The following FGF1 variants were observed in gnomAD, a reference collection of about 807,000 sequenced individuals.
FGF1 encodes the protein beta-endothelial cell growth factor.
Under a neutral mutation model 13.4 loss-of-function variants are expected in FGF1, and 9 were observed. The ratio of observed to expected loss-of-function variants is 0.67; its 90% CI spans 0.40 to 1.17. The LOEUF (loss-of-function observed/expected upper bound fraction) is 1.17. Among genes scored for constraint, FGF1 ranks in the 50% most tolerant of loss-of-function variants. The probability of loss-of-function intolerance (pLI) is 0.01; values close to 1 mark genes in which losing one functional copy is unlikely to be tolerated. For missense variants in FGF1, 156 were observed against 192.7 expected, an observed-to-expected ratio of 0.81 and a Z score of 1.13; for synonymous variants, 93 against 79.0, an observed-to-expected ratio of 1.18 and a Z score of -0.94.
chr5:142,629,604 C>T (rs956863955), intron 1 of FGF1, among the ~76,000 whole-genome samples: 7 of 152,014 alleles, frequency 4.6e-5, no homozygotes, highest in East Asian at 1.9e-4. Flanking sequence ...TCTTTCATGA[C>T]AATTATGATA....
intron 1 of FGF1, among the ~76,000 whole-genome samples, chr5:142,636,198 G>T (rs147150519): frequency 6.6e-6 from 1 of 152,324 alleles, no homozygotes; most frequent in Non-Finnish European, 1.5e-5. Flanking sequence ...CACCTTATCT[G>T]ATTTGCTCCA....
At chr5:142,647,133 G>A (rs755520416) in intron 1 of FGF1, among the ~76,000 whole-genome samples, 3 of 152,162 alleles carry the variant, frequency 2.0e-5, no homozygotes, top group South Asian at 2.1e-4. Flanking sequence ...TTGGCATATC[G>A]ATTATTTTTA....
chr5:142,605,815 G>C (rs917729817), intron 2 of FGF1, among the ~76,000 whole-genome samples: 1 of 152,146 alleles, frequency 6.6e-6, no homozygotes, highest in African/African-American at 2.4e-5. Flanking sequence ...TGAGCGGCTT[G>C]TGTAGCTGGC....
Position 142,614,017 on chromosome 5 carries a change from G to A in FGF1, c.111C>T (p.Phe37=). 6.2e-7 allele frequency: 1 copy of A among 1,614,154 alleles called. No homozygotes were observed. ...CTGTGCCATCCGGAAGGATCCTCAGGAAGTGGCCCCCGTTGCTACAGTAGA... is the reference window on the plus strand; with the variant it reads ...CTGTGCCATCCGGAAGGATCCTCAGAAAGTGGCCCCCGTTGCTACAGTAGA... ...KLLYCSNGGH[F]LRILPDGTVD... is the part of the protein sequence containing the mutation. Residue 37 remains phenylalanine (F), a synonymous_variant, in exon 2 of 4, where the codon TTC becomes TTT. Coordinates refer to ENST00000337706, the MANE Select transcript of FGF1 (RefSeq NM_000800.5).
At chr5:142,611,550 C>A (rs2282799) in intron 2 of FGF1, among the ~76,000 whole-genome samples, 4,882 of 152,228 alleles carry the variant, frequency 0.032, 157 homozygotes, top group African/African-American at 0.078. Flanking sequence ...ATGGCAAGAA[C>A]GTTAATTGTC....
chr5:142,693,578 A>G (rs1752585073), intron 2 of FGF1, among the ~76,000 whole-genome samples: 1 of 152,242 alleles, frequency 6.6e-6, no homozygotes, highest in Non-Finnish European at 1.5e-5. Context: ...AAAATGTACA[A>G]TTAAGTGGTT....
chr5:142,667,665 G>C (rs1413232181), intron 1 of FGF1, among the ~76,000 whole-genome samples: 1 of 151,980 alleles, frequency 6.6e-6, no homozygotes, highest in African/African-American at 2.4e-5. Flanking sequence ...GATGGGGAGA[G>C]AGAAAGGGAA....
chr5:142,626,118 A>G (rs923288837), intron 1 of FGF1, among the ~76,000 whole-genome samples: 11 of 152,230 alleles, frequency 7.2e-5, no homozygotes, highest in African/African-American at 2.7e-4. Flanking sequence ...TAAGCACATT[A>G]CATTAATTAA....
chr5:142,629,394 G>A lies in FGF1; in HGVS notation c.-34-15233C>T, dbSNP rs1216830193. 2.2e-4 allele frequency among the ~76,000 whole-genome samples: 33 copies of A among 152,070 alleles called. 1 individual carries two copies. On this transcript the variant is annotated intron_variant, in intron 1 of 3. Transcript: ENST00000337706. ...GCCCCGGCTGGTCTTCAACTCCTGG[G>A]CTTAAGCAGTCCTTCCACCCTGGCC...
upstream of FGF1, among the ~76,000 whole-genome samples, chr5:142,689,768 C>T (rs1298710764): frequency 4.2e-5 from 6 of 143,222 alleles, no homozygotes; most frequent in Non-Finnish European, 1.5e-5. Context: ...GGCGCGATCT[C>T]GGCTCATGGA....
At chr5:142,641,265 T>G (rs963410787) in intron 1 of FGF1, among the ~76,000 whole-genome samples, 18 of 152,066 alleles carry the variant, frequency 1.2e-4, no homozygotes, top group African/African-American at 4.1e-4. Context: ...AGAATTATTT[T>G]GCGTGCTTCC....
At chr5:142,603,713 C>G (rs1757066581) in intron 2 of FGF1, among the ~76,000 whole-genome samples, 1 of 152,184 alleles carries the variant, frequency 6.6e-6, no homozygotes, top group East Asian at 1.9e-4. Context: ...CAATAACTCT[C>G]TGAGGGGGGC....
chr5:142,675,092 G>T (rs1052985833), intron 1 of FGF1, among the ~76,000 whole-genome samples: 2 of 152,138 alleles, frequency 1.3e-5, no homozygotes, highest in Admixed American at 1.3e-4. Flanking sequence ...GAAACAACCC[G>T]GCCATCGCCT....
chr5:142,677,577 G>A (rs1000369424), intron 1 of FGF1, among the ~76,000 whole-genome samples: 1 of 152,228 alleles, frequency 6.6e-6, no homozygotes, highest in Admixed American at 6.5e-5. Context: ...GTTAGGGTGA[G>A]AGGCTCTTGA....
At chr5:142,597,339 G>A (rs973178989) in intron 3 of FGF1, among the ~76,000 whole-genome samples, 11 of 152,290 alleles carry the variant, frequency 7.2e-5, no homozygotes, top group Admixed American at 1.3e-4. Context: ...AAGCGATTAG[G>A]AGTAACCTAT....
chr5:142,696,326 AC>A (rs780919078), intron 2 of FGF1, among the ~76,000 whole-genome samples: 1 of 152,152 alleles, frequency 6.6e-6, no homozygotes, highest in Non-Finnish European at 1.5e-5. Flanking sequence ...GACTTCGGCC[AC>A]CCTGCATCTA....
intron 2 of FGF1, among the ~76,000 whole-genome samples, chr5:142,692,706 CAG>C (rs971888724): frequency 9.3e-5 from 14 of 150,450 alleles, no homozygotes; most frequent in African/African-American, 3.5e-4. Context: ...CACACACGCA[CAG>C]ACACACACAC....
intron 1 of FGF1, among the ~76,000 whole-genome samples, chr5:142,625,055 C>G (rs1429794291): frequency 6.6e-6 from 1 of 152,146 alleles, no homozygotes; most frequent in East Asian, 1.9e-4. Flanking sequence ...ATTCTAGATT[C>G]TGAAACATAT....
chr5:142,606,076 T>A (rs1757596310), intron 2 of FGF1, among the ~76,000 whole-genome samples: 1 of 150,906 alleles, frequency 6.6e-6, no homozygotes, highest in South Asian at 2.1e-4. Flanking sequence ...CCAGCCATGG[T>A]CCCTGCACTT....
Sources: allele counts gnomAD v4.1 joint callset (sites outside exome capture counted in the v4.1 genomes callset), GRCh38; gene constraint gnomAD v4.1.1; transcripts MANE v1.5; gene names NCBI Gene and HGNC (gene_info 2026-07-23, HGNC 2026-07-21).